Variants in CD36 observed in about 807,000 individuals in gnomAD.
CD36 encodes platelet glycoprotein 4.
A neutral mutation model predicts 55.2 loss-of-function variants in CD36; 119 were observed. That is an observed-to-expected ratio of 2.15 (90% CI 1.86 to 2.51). The LOEUF is 2.51. Ranked by LOEUF, CD36 falls within the 30% of genes most tolerant of loss-of-function variation. CD36 has a pLI of 0.00. For missense variants in CD36, 819 were observed against 555.5 expected (o/e 1.47, Z -4.77); for synonymous variants, 186 against 193.6 (o/e 0.96, Z 0.33).
intron 1 of CD36, chr7:80,602,502 T>C (rs1165471411): frequency 1.3e-5 from 2 of 152,176 alleles, no homozygotes; most frequent in Non-Finnish European, 2.9e-5. Flanking sequence ...TCTGATATAA[T>C]AGTTTAGTCT....
chr7:80,609,458 T>C (rs931677267), intron 1 of CD36, among the ~76,000 whole-genome samples: 1 of 152,126 alleles, frequency 6.6e-6, no homozygotes, highest in African/African-American at 2.4e-5. Flanking sequence ...TCACTCTTCC[T>C]ACCTGAGTGT....
At chr7:80,605,506 C>G (rs2115694136) in intron 1 of CD36, among the ~76,000 whole-genome samples, 1 of 152,070 alleles carries the variant, frequency 6.6e-6, no homozygotes, top group Admixed American at 6.5e-5. Context: ...AAAAATGGAC[C>G]AAATGAGTGA....
intron 3 of CD36, among the ~76,000 whole-genome samples, chr7:80,650,692 G>C (rs887963351): frequency 3.3e-5 from 5 of 152,082 alleles, no homozygotes; most frequent in African/African-American, 4.8e-5. Flanking sequence ...TTCATATTTA[G>C]TGTAGAGTTG....
intron 8 of CD36, among the ~76,000 whole-genome samples, chr7:80,667,351 T>C (rs1797186221): frequency 6.6e-6 from 1 of 150,886 alleles, no homozygotes; most frequent in African/African-American, 2.4e-5. Flanking sequence ...GATCACTTGA[T>C]TCCAGGAGGT....
chr7:80,637,568 G>A (rs1165402576), upstream of CD36, among the ~76,000 whole-genome samples: 1 of 150,602 alleles, frequency 6.6e-6, no homozygotes, highest in East Asian at 2.0e-4. Flanking sequence ...GAGTGTTTGG[G>A]GTTTTTTTTT....
intron 1 of CD36, among the ~76,000 whole-genome samples, chr7:80,618,564 G>T (rs1793293002): frequency 6.6e-6 from 1 of 152,170 alleles, no homozygotes; most frequent in African/African-American, 2.4e-5. Flanking sequence ...GAAATTAAAA[G>T]TGCTACCCCA....
At chr7:80,639,265 G>T (rs866035983) in intron 1 of CD36, among the ~76,000 whole-genome samples, 24 of 152,018 alleles carry the variant, frequency 1.6e-4, no homozygotes, top group African/African-American at 5.1e-4. Flanking sequence ...TGCTCTACAT[G>T]ATCAAATGCA....
chr7:80,605,587 TC>T (rs1175798519), intron 1 of CD36, among the ~76,000 whole-genome samples: 1 of 152,208 alleles, frequency 6.6e-6, no homozygotes, highest in Non-Finnish European at 1.5e-5. Context: ...TCTAAGCTTC[TC>T]GTTTTTGCAT....
chr7:80,673,922 G>T, intron 13 of CD36, 61 bp from the exon 14 acceptor site: 1 of 1,261,710 alleles, frequency 7.9e-7, no homozygotes, highest in Non-Finnish European at 1.2e-6. Context: ...ATAGGCAATT[G>T]AAGGGTTTAT....
chr7:80,674,221 A>AAGTT (rs1798042604), intron 14 of CD36, 74 bp downstream of exon 14: 1 of 1,074,588 alleles, frequency 9.3e-7, no homozygotes, highest in Non-Finnish European at 1.4e-6. Context: ...TATCAAAGAG[A>AAGTT]AGTTACATAT....
In CD36 at chr7:80,661,139, G is replaced by T. The variant is rs1381742090; in HGVS notation, c.358G>T (p.Ala120Ser). The change falls in exon 5 of 15, where the codon GCC becomes TCC. Residue 120 changes from alanine to serine, a missense_variant. Transcript: ENST00000447544. ...AGTCTCTTTCCTGCAGCCCAATGGTGCCATCTTCGAACCTTCACTATCAGT... is the reference window on the plus strand; with the variant it reads ...AGTCTCTTTCCTGCAGCCCAATGGTTCCATCTTCGAACCTTCACTATCAGT... ...NTVSFLQPNGAIFEPSLSVGT... is the reference protein window; with the variant it reads ...NTVSFLQPNGSIFEPSLSVGT... 8 of 1,613,896 alleles carry T rather than the reference G, an allele frequency of 5.0e-6. No homozygotes were observed. In the South Asian group the frequency reaches 7.7e-5, roughly 16 times the overall value.
chr7:80,613,899 C>A (rs1048295325), intron 1 of CD36, among the ~76,000 whole-genome samples: 2 of 152,010 alleles, frequency 1.3e-5, no homozygotes, highest in African/African-American at 4.8e-5. Flanking sequence ...TATACAGAAC[C>A]AAATGCATAT....
rs747608719 is a variant in CD36, at chr7:80,628,048, T to TA, written c.-183-18033dup. Among the ~76,000 whole-genome samples the TA allele has an allele frequency of 1.9e-3, 289 of 152,058 alleles. 2 individuals are homozygous for TA. Among genetic ancestry groups the TA allele is most frequent in the Non-Finnish European group, 3.4e-3 (234 of 67,920 alleles). ...TTACATGCATGATGTCTATTAAACA[T>TA]AAAAAAACGCACATCTGGAAAATCA... On this transcript the variant is annotated intron_variant, in intron 1 of 13. Transcript: ENST00000309881.
intron 8 of CD36, among the ~76,000 whole-genome samples, chr7:80,667,362 G>T (rs1443287080): frequency 4.6e-5 from 7 of 151,228 alleles, no homozygotes; most frequent in African/African-American, 1.7e-4. Flanking sequence ...TCCAGGAGGT[G>T]GAGGCTGCAG....
At chr7:80,673,187 A>G (rs894400563) in intron 12 of CD36, 168 bp from the exon 13 acceptor site, 6 of 533,206 alleles carry the variant, frequency 1.1e-5, no homozygotes, top group Admixed American at 7.0e-5. Flanking sequence ...ATTAGAAGAC[A>G]TATAAGAGCA....
At chr7:80,625,145 G>T (rs868647789) in intron 1 of CD36, 2 of 152,102 alleles carry the variant, frequency 1.3e-5, no homozygotes, top group Admixed American at 6.6e-5. Flanking sequence ...ATTAAAGACA[G>T]TTTTCAATTT....
At chr7:80,647,393 CAT>C (rs1194749716) in intron 3 of CD36, among the ~76,000 whole-genome samples, 2 of 152,016 alleles carry the variant, frequency 1.3e-5, no homozygotes, top group African/African-American at 4.8e-5. Flanking sequence ...AATCTCATCT[CAT>C]AAATATTTTC....
chr7:80,672,847 A>C lies in CD36; in HGVS notation c.1199+4A>C. ...TCAAGCCATCAGAAAAAATTCAGTG[A>C]GTCTCTTGAAAATGGTTATTTTGAT... On this transcript the variant is annotated splice_donor_region_variant and intron_variant, in intron 12 of 14. Transcript: ENST00000447544. 1 of 1,600,420 alleles carries C rather than the reference A, an allele frequency of 6.2e-7. No homozygotes were observed. Among genetic ancestry groups the C allele is most frequent in the African/African-American group, 1.3e-5 (1 of 74,652 alleles).
intron 3 of CD36, among the ~76,000 whole-genome samples, chr7:80,653,373 A>T (rs1200450583): frequency 1.3e-5 from 2 of 152,230 alleles, no homozygotes; most frequent in African/African-American, 4.8e-5. Flanking sequence ...CTGTTGCATG[A>T]AAACAGTATT....
Sources: gnomAD v4.1 joint callset for allele counts (sites outside exome capture counted in the v4.1 genomes callset) on GRCh38, gnomAD v4.1.1 for gene constraint, MANE v1.5 for transcripts, NCBI Gene and HGNC (gene_info 2026-07-23, HGNC 2026-07-21) for gene names.